The following FOCAD variants were observed in gnomAD, a reference collection of about 807,000 sequenced individuals.
FOCAD encodes the protein KIAA1797.
Under a neutral mutation model 225.6 loss-of-function variants are expected in FOCAD, and 198 were observed. That is an observed-to-expected ratio of 0.88 (90% CI 0.78 to 0.99). FOCAD has a LOEUF of 0.99. Among genes scored for constraint, FOCAD ranks in the 50% least tolerant of loss-of-function variants. The pLI is 0.00. For missense variants in FOCAD, 2,713 were observed against 2,123.6 expected (o/e 1.28, Z -5.46); for synonymous variants, 897 against 755.0 (o/e 1.19, Z -3.08).
intron 35 of FOCAD, among the ~76,000 whole-genome samples, chr9:20,972,861 A>G (rs1839882389): frequency 6.6e-6 from 1 of 152,024 alleles, no homozygotes; most frequent in African/African-American, 2.4e-5. Flanking sequence ...TCCTTTCTGC[A>G]GCTATTTTAC....
intron 21 of FOCAD, among the ~76,000 whole-genome samples, chr9:20,896,548 G>C (rs1832105596): frequency 6.6e-6 from 1 of 151,866 alleles, no homozygotes; most frequent in African/African-American, 2.4e-5. Flanking sequence ...ATAGATACAG[G>C]CCTATTCAAA....
intron 26 of FOCAD, among the ~76,000 whole-genome samples, chr9:20,927,162 G>T (rs1262654245): frequency 6.6e-6 from 1 of 152,068 alleles, no homozygotes; most frequent in East Asian, 1.9e-4. Flanking sequence ...AGCTACAGTT[G>T]TAGTAGAATA....
At chr9:20,863,027 A>G in intron 16 of FOCAD, 1 of 183,676 alleles carries the variant, frequency 5.4e-6, no homozygotes, top group Middle Eastern at 2.2e-3. Context: ...TTAATGTTTT[A>G]AGTTCTAAAA....
intron 15 of FOCAD, among the ~76,000 whole-genome samples, chr9:20,823,328 TC>T (rs1564033678): frequency 6.6e-6 from 1 of 152,050 alleles, no homozygotes; most frequent in African/African-American, 2.4e-5. Context: ...TCTCTAGAGA[TC>T]AAAGAAAACC....
chr9:20,898,874 G>C (rs929605573), intron 21 of FOCAD, among the ~76,000 whole-genome samples: 3 of 151,982 alleles, frequency 2.0e-5, no homozygotes, highest in African/African-American at 7.2e-5. Context: ...TGGGGGAGTA[G>C]AGTCATTCCA....
chr9:20,815,379 A>G (rs1293577568), intron 11 of FOCAD, among the ~76,000 whole-genome samples: 1 of 150,392 alleles, frequency 6.6e-6, no homozygotes, highest in Non-Finnish European at 1.5e-5. Context: ...TCCTGATCTC[A>G]GGTGATCCTA....
chr9:20,978,046 T>C (rs1388696601), intron 36 of FOCAD, among the ~76,000 whole-genome samples: 1 of 152,192 alleles, frequency 6.6e-6, no homozygotes, highest in Non-Finnish European at 1.5e-5. Context: ...CTAGCTAGAA[T>C]TTTCTCATAT....
intron 11 of FOCAD, among the ~76,000 whole-genome samples, chr9:20,807,313 A>G (rs548065360): frequency 2.4e-4 from 36 of 152,366 alleles, no homozygotes; most frequent in Admixed American, 1.0e-3. Context: ...AAAAAGAGAC[A>G]TTAATTATTA....
chr9:20,711,858 G>T (rs535703323), intron 1 of FOCAD, among the ~76,000 whole-genome samples: 3 of 152,202 alleles, frequency 2.0e-5, no homozygotes, highest in Non-Finnish European at 4.4e-5. Flanking sequence ...AGGCAGAGTG[G>T]CTGGGGAGTG....
Position 20,946,698 on chromosome 9 carries a change from C to T in FOCAD, c.3556-3C>T, listed in dbSNP as rs1837217168. The T allele has an allele frequency of 1.2e-6, 2 of 1,606,848 alleles. No individual in the cohort carries two copies. Among genetic ancestry groups the T allele is most frequent in the African/African-American group, 1.3e-5 (1 of 74,310 alleles). ...ATATTTTTCTGCTGTATTTTCTTCT[C>T]AGGTCCTTGCCTACACACTTAGCTG... On this transcript the variant is annotated splice_polypyrimidine_tract_variant and splice_region_variant and intron_variant, in intron 29 of 43. Transcript: ENST00000338382.
intron 18 of FOCAD, chr9:20,872,757 A>G (rs1217463645): frequency 1.3e-5 from 2 of 152,060 alleles, no homozygotes; most frequent in Non-Finnish European, 2.9e-5. Flanking sequence ...GAGCAACCAC[A>G]ATCTAATTTT....
chr9:20,672,154 T>C (rs1474375286), intron 2 of FOCAD, among the ~76,000 whole-genome samples: 2 of 152,212 alleles, frequency 1.3e-5, no homozygotes, highest in South Asian at 2.1e-4. Flanking sequence ...GCAAACTTTA[T>C]AGAAGACTGT....
chr9:20,995,649 C>G lies in FOCAD; in HGVS notation c.*20C>G, dbSNP rs772380017. On this transcript the variant is annotated 3_prime_UTR_variant, in exon 44 of 44. Coordinates refer to ENST00000338382, the MANE Select transcript of FOCAD (RefSeq NM_001375567.1). ...TGGTGAACAGTTTTGCAGTAACCAG[C>G]AGCATTCTCAGCTGGATGAGGAAAA... is the stretch of plus-strand genomic sequence containing the variant. The G allele has an allele frequency of 6.2e-7, 1 of 1,603,704 alleles. No individual in the cohort carries two copies. The highest frequency in any genetic ancestry group is 2.2e-5 in the East Asian group (1 of 44,784).
At chr9:20,676,649 T>C (rs924612858) in intron 2 of FOCAD, among the ~76,000 whole-genome samples, 1 of 152,216 alleles carries the variant, frequency 6.6e-6, no homozygotes, top group South Asian at 2.1e-4. Flanking sequence ...GCAGGAGATA[T>C]ATTTTCCAAA....
chr9:20,731,440 A>T (rs1200294406), intron 4 of FOCAD, among the ~76,000 whole-genome samples: 1 of 152,006 alleles, frequency 6.6e-6, no homozygotes, highest in Non-Finnish European at 1.5e-5. Flanking sequence ...CATTCATATT[A>T]TTTTGTAAAA....
intron 42 of FOCAD, among the ~76,000 whole-genome samples, chr9:20,991,767 C>G (rs1025962710): frequency 2.0e-5 from 3 of 150,332 alleles, no homozygotes; most frequent in Non-Finnish European, 4.4e-5. Flanking sequence ...GAGTCGCAAT[C>G]CCTCCGCTGC....
intron 8 of FOCAD, among the ~76,000 whole-genome samples, chr9:20,772,322 G>T (rs917182350): frequency 6.6e-6 from 1 of 152,204 alleles, no homozygotes; most frequent in Non-Finnish European, 1.5e-5. Context: ...ATTTAGGCTA[G>T]AAGTCTAGGC....
chr9:20,856,220 GT>G (rs1828166531), intron 15 of FOCAD, among the ~76,000 whole-genome samples: 1 of 151,896 alleles, frequency 6.6e-6, no homozygotes, highest in South Asian at 2.1e-4. Context: ...TACCAACAGT[GT>G]ACGAGGGTTC....
intron 28 of FOCAD, among the ~76,000 whole-genome samples, chr9:20,935,965 AAAT>A (rs1291752939): frequency 2.0e-5 from 3 of 152,242 alleles, no homozygotes; most frequent in Non-Finnish European, 4.4e-5. Flanking sequence ...TAAAAATGAA[AAAT>A]AATCAAAAAA....
Sources: gnomAD v4.1 joint callset for allele counts (sites outside exome capture counted in the v4.1 genomes callset) on GRCh38, gnomAD v4.1.1 for gene constraint, MANE v1.5 for transcripts, NCBI Gene and HGNC (gene_info 2026-07-23, HGNC 2026-07-21) for gene names.